Variants in SLC46A2 observed in about 807,000 individuals in gnomAD.
SLC46A2 encodes the protein solute carrier family 46 member 2.
SLC46A2 carries 25 observed loss-of-function variants against 33.1 expected under a neutral mutation model. The ratio of observed to expected loss-of-function variants is 0.76; its 90% CI spans 0.55 to 1.06. SLC46A2 has a LOEUF of 1.06. Ranked by LOEUF, SLC46A2 falls within the 50% of genes least tolerant of loss-of-function variation. The pLI, the probability that SLC46A2 is intolerant of heterozygous loss-of-function variation, is 0.00. For missense variants in SLC46A2, 622 were observed against 621.7 expected (o/e 1.00, Z 0.00); for synonymous variants, 254 against 275.9 (o/e 0.92, Z 0.79).
chr9:112,890,227 A>T lies in SLC46A2; in HGVS notation c.455T>A (p.Phe152Tyr). 6.2e-7 allele frequency: 1 copy of T among 1,613,090 alleles called. No homozygotes were observed. The highest frequency in any genetic ancestry group is 8.5e-7 in the Non-Finnish European group (1 of 1,179,886). The change falls in exon 1 of 4, where the codon TTC becomes TAC. Residue 152 changes from phenylalanine to tyrosine, a missense_variant. Coordinates refer to ENST00000374228, the MANE Select transcript of SLC46A2 (RefSeq NM_033051.4). This position sits in a 1 kb window ranked among gnomAD's most constrained non-coding sequence, Gnocchi z 6.0. ...LNGLFGGFSA[F>Y]WSGVMALGSL... ...TCCCAGCGCCATGACCCCGGACCAGAAGGCGGAGAAGCCGCCGAATAGCCC... is the reference window on the plus strand; with the variant it reads ...TCCCAGCGCCATGACCCCGGACCAGTAGGCGGAGAAGCCGCCGAATAGCCC...
intron 3 of SLC46A2, chr9:112,880,129 G>A (rs1302747014): frequency 4.4e-6 from 1 of 225,600 alleles, no homozygotes; most frequent in East Asian, 9.0e-5. Flanking sequence ...TCAGGAGTTC[G>A]AGACCAGCCT....
Position 112,890,225 on chromosome 9 carries a change from A to G in SLC46A2, c.457T>C (p.Trp153Arg), listed in dbSNP as rs770247997. Residue 153 changes from tryptophan to arginine, a missense_variant, in exon 1 of 4, where the codon TGG becomes CGG. Coordinates refer to ENST00000374228, the MANE Select transcript of SLC46A2 (RefSeq NM_033051.4). The surrounding 1 kb of genome is among the most constrained non-coding windows in gnomAD (Gnocchi z 6.0). ...GATCCCAGCGCCATGACCCCGGACC[A>G]GAAGGCGGAGAAGCCGCCGAATAGC... ...NGLFGGFSAF[W>R]SGVMALGSLG... 41 of 1,613,066 alleles carry G rather than the reference A, an allele frequency of 2.5e-5. 1 individual carries two copies. In the South Asian group the frequency reaches 4.2e-4, roughly 16 times the overall value.
chr9:112,880,469 A>G (rs903533122), intron 3 of SLC46A2: 3 of 154,168 alleles, frequency 1.9e-5, no homozygotes, highest in African/African-American at 7.2e-5. Context: ...CCAACTCAGC[A>G]CAGGAATGCC....
At chr9:112,881,988 C>T (rs368191686) in intron 3 of SLC46A2, among the ~76,000 whole-genome samples, 6 of 152,102 alleles carry the variant, frequency 3.9e-5, no homozygotes, top group African/African-American at 9.7e-5. Flanking sequence ...GGGGAGGCGA[C>T]TGTGGCTGAG....
At position 112,889,427 on chromosome 9, in the gene SLC46A2, G is replaced by C. The variant is rs924288451; in HGVS notation, c.1129+126C>G. ...GGGCATATAATCTTGTGTCCCTTGTGCCTCCTAGGTAGCAGGTTCAATCCC... is the reference window on the plus strand; with the variant it reads ...GGGCATATAATCTTGTGTCCCTTGTCCCTCCTAGGTAGCAGGTTCAATCCC... On this transcript the variant is annotated intron_variant, in intron 1 of 3. Transcript: ENST00000374228. 7 of 883,280 alleles carry C rather than the reference G, an allele frequency of 7.9e-6. 1 individual carries two copies. The highest frequency in any genetic ancestry group is 2.5e-5 in the East Asian group (1 of 40,286). 54.7% of individuals were successfully genotyped at this position (883,280 alleles called of 1,614,324 possible). A position where few individuals can be genotyped will look rare whatever the true frequency, so the allele number is the denominator to read the frequency against.
chr9:112,890,108 C>T lies in SLC46A2; in HGVS notation c.574G>A (p.Gly192Arg). ...CCAGCCATCTGCTTGAAGAGATGCC[C>T]GGAAGCCATGCTCCCGCAGAACCCC... ...LAGFCGSMASGHLFKQMAGHS... is the reference protein window; with the variant it reads ...LAGFCGSMASRHLFKQMAGHS... Residue 192 changes from glycine to arginine, a missense_variant, in exon 1 of 4, where the codon GGG becomes AGG. Physicochemically the swap from Gly to Arg is moderately radical, Grantham distance 125. Transcript: ENST00000374228. The surrounding 1 kb of genome is among the most constrained non-coding windows in gnomAD (Gnocchi z 6.0). The T allele has an allele frequency of 1.9e-6, 3 of 1,613,388 alleles. No homozygotes were observed. Among genetic ancestry groups the T allele is most frequent in the East Asian group, 2.2e-5 (1 of 44,846 alleles).
In SLC46A2 at chr9:112,887,332, TAAG is replaced by T; in HGVS notation, c.1208_1210del (p.Ser403del). On this transcript the variant is annotated inframe_deletion, in exon 2 of 4. Coordinates refer to ENST00000374228, the MANE Select transcript of SLC46A2 (RefSeq NM_033051.4). ...GAGAGATTCTGTTCACTACTCACCATAAGAGGAGCCCTTTATGAGTTTGGACAT... is the reference window on the plus strand; with the variant it reads ...GAGAGATTCTGTTCACTACTCACCATAGGAGCCCTTTATGAGTTTGGACAT... The T allele has an allele frequency of 6.2e-7, 1 of 1,611,896 alleles. No homozygotes were observed.
chr9:112,887,217 C>T, intron 2 of SLC46A2, 113 bp downstream of exon 2: 2 of 928,608 alleles, frequency 2.2e-6, no homozygotes, highest in Non-Finnish European at 3.3e-6. Context: ...CTAGTGTCTT[C>T]AAAGATGCTT....
intron 3 of SLC46A2, among the ~76,000 whole-genome samples, chr9:112,883,970 C>T (rs1588149260): frequency 6.6e-6 from 1 of 152,318 alleles, no homozygotes; most frequent in South Asian, 2.1e-4. Context: ...GCTGGGATTA[C>T]AGGCATGAGC....
intron 1 of SLC46A2, among the ~76,000 whole-genome samples, chr9:112,889,156 T>C (rs1030237940): frequency 5.3e-5 from 8 of 152,152 alleles, no homozygotes; most frequent in African/African-American, 1.9e-4. Context: ...CCCAAAGTGC[T>C]GGGATTACAG....
chr9:112,881,140 G>A (rs1030719467), intron 3 of SLC46A2, among the ~76,000 whole-genome samples: 1 of 152,198 alleles, frequency 6.6e-6, no homozygotes, highest in South Asian at 2.1e-4. Flanking sequence ...AATTAGGTCT[G>A]AACTGAAGTC....
intron 3 of SLC46A2, among the ~76,000 whole-genome samples, chr9:112,880,830 G>C (rs1446817708): frequency 1.3e-5 from 2 of 152,060 alleles, no homozygotes; most frequent in Non-Finnish European, 2.9e-5. Flanking sequence ...GGAATTTATG[G>C]CACTGAGTGG....
chr9:112,881,673 C>T (rs1026411057), intron 3 of SLC46A2: 1 of 152,228 alleles, frequency 6.6e-6, no homozygotes, highest in Non-Finnish European at 1.5e-5. Context: ...TTCTTTTTGA[C>T]TGCTGCTTAT....
rs1841551730 is a variant in SLC46A2 at position 112,879,461 on chromosome 9, C to G, written c.*301G>C. ...TGGAGTCTGAAGCCCCTCACAGGGCCTGGGACTGCTGTGTGCAGCCTGCCT... is the reference window on the plus strand; with the variant it reads ...TGGAGTCTGAAGCCCCTCACAGGGCGTGGGACTGCTGTGTGCAGCCTGCCT... On this transcript the variant is annotated 3_prime_UTR_variant, in exon 4 of 4. Coordinates refer to ENST00000374228, the MANE Select transcript of SLC46A2 (RefSeq NM_033051.4). 2 of 297,288 alleles carry G rather than the reference C, an allele frequency of 6.7e-6. No individual in the cohort carries two copies. The highest frequency in any genetic ancestry group is 4.6e-5 in the Admixed American group (1 of 21,806). 18.4% of individuals were successfully genotyped at this position (297,288 alleles called of 1,614,324 possible). A position where few individuals can be genotyped will look rare whatever the true frequency, so the allele number is the denominator to read the frequency against.
chr9:112,889,998 C>T lies in SLC46A2; in HGVS notation c.684G>A (p.Lys228=). The T allele has an allele frequency of 6.2e-7, 1 of 1,614,166 alleles. No homozygotes were observed. Among genetic ancestry groups the T allele is most frequent in the Non-Finnish European group, 8.5e-7 (1 of 1,180,030 alleles). The change falls in exon 1 of 4, where the codon AAG becomes AAA. Residue 228 remains lysine, a synonymous_variant. Transcript: ENST00000374228. Reference sequence around the variant, plus strand: ...TGGGTTTGGCCACCGACTCAGGGACCTTTAGCACCAAAAGGCTGTAGAGCA... The same window carrying T: ...TGGGTTTGGCCACCGACTCAGGGACTTTTAGCACCAAAAGGCTGTAGAGCA... ...FALLYSLLVL[K]VPESVAKPSQ... is the part of the protein sequence containing the mutation.
At chr9:112,880,555 C>CGG (rs1841564028) in intron 3 of SLC46A2, 1 of 153,772 alleles carries the variant, frequency 6.5e-6, no homozygotes, top group East Asian at 1.9e-4. Flanking sequence ...TAGCTCATCA[C>CGG]CCATCCAGAC....
intron 3 of SLC46A2, among the ~76,000 whole-genome samples, chr9:112,883,288 G>A (rs1217025133): frequency 6.6e-6 from 1 of 152,168 alleles, no homozygotes; most frequent in Non-Finnish European, 1.5e-5. Context: ...ATTCAGGAGA[G>A]AATGAAGCAG....
intron 1 of SLC46A2, 93 bp downstream of exon 1, chr9:112,889,460 G>A (rs1401117307): frequency 5.7e-6 from 8 of 1,399,016 alleles, no homozygotes; most frequent in Non-Finnish European, 2.9e-6. Context: ...CCCTGGTGCT[G>A]AGCTAGGACA....
In SLC46A2 at chr9:112,879,338, C is replaced by T. The variant is rs765410379; in HGVS notation, c.*424G>A. The stretch of plus-strand genomic sequence containing the variant: ...TGTGATAATGCACGCTTTGAGTTCT[C>T]CCATGGGACTTTCAGCACAGCACCC... On this transcript the variant is annotated 3_prime_UTR_variant, in exon 4 of 4. Transcript: ENST00000374228. 1 of 162,932 alleles carries T rather than the reference C, an allele frequency of 6.1e-6. No individual in the cohort carries two copies. The highest frequency in any genetic ancestry group is 1.3e-5 in the Non-Finnish European group (1 of 75,534). The allele number at this position is 162,932 out of a possible 1,614,324, so 10.1% of individuals were successfully genotyped here. A position where few individuals can be genotyped will look rare whatever the true frequency, so the allele number is the denominator to read the frequency against.
Sources: allele counts gnomAD v4.1 joint callset (sites outside exome capture counted in the v4.1 genomes callset), GRCh38; gene constraint gnomAD v4.1.1; non-coding constraint Gnocchi (gnomAD v3.1); transcripts MANE v1.5; gene names NCBI Gene and HGNC (gene_info 2026-07-23, HGNC 2026-07-21).